Variants in GRIN2B observed in about 807,000 individuals in gnomAD.
GRIN2B encodes the protein glutamate receptor ionotropic, NMDA 2B.
A neutral mutation model predicts 114.5 loss-of-function variants in GRIN2B; 5 were observed. That is an observed-to-expected ratio of 0.04 (90% CI 0.02 to 0.09). GRIN2B has a LOEUF of 0.09. GRIN2B is among the 10% of genes least tolerant of loss of function. The probability of loss-of-function intolerance (pLI) is 1.00; values close to 1 mark genes in which losing one functional copy is unlikely to be tolerated. For synonymous variants in GRIN2B, 787 were observed against 745.1 expected (o/e 1.06, Z -0.92); for missense variants, 1,108 against 1,943.5 (o/e 0.57, Z 8.08).
At chr12:13,935,086 A>C (rs758331161) in intron 2 of GRIN2B, among the ~76,000 whole-genome samples, 1 of 152,182 alleles carries the variant, frequency 6.6e-6, no homozygotes, top group Non-Finnish European at 1.5e-5. Flanking sequence ...TAAGATAGAG[A>C]GATAGAAGGA....
chr12:13,891,126 G>C (rs1399837290), intron 2 of GRIN2B, among the ~76,000 whole-genome samples: 2 of 152,196 alleles, frequency 1.3e-5, no homozygotes, highest in Non-Finnish European at 2.9e-5. Flanking sequence ...CTGGATACTG[G>C]ATTGGAACAC....
At chr12:13,721,419 A>G (rs115909007) in intron 4 of GRIN2B, among the ~76,000 whole-genome samples, 3,454 of 152,056 alleles carry the variant, frequency 0.023, 138 homozygotes, top group African/African-American at 0.079. Flanking sequence ...GGAATCCTGG[A>G]AAAGGATTAG....
intron 4 of GRIN2B, among the ~76,000 whole-genome samples, chr12:13,692,724 T>A (rs1950224555): frequency 6.6e-6 from 1 of 150,878 alleles, no homozygotes; most frequent in South Asian, 2.1e-4. Context: ...AATAGTTGGG[T>A]AGTAATCATT....
chr12:13,774,948 A>AATCAG (rs1419887509), intron 3 of GRIN2B, among the ~76,000 whole-genome samples: 2 of 152,172 alleles, frequency 1.3e-5, no homozygotes, highest in Admixed American at 1.3e-4. Flanking sequence ...TGTGATCATG[A>AATCAG]ATCAGGAAAG....
chr12:13,542,293 T>C lies in GRIN2B; in HGVS notation c.*20490A>G, dbSNP rs1948287698. ...AAGGAGTAAGGTAAGTAAGAACAAA[T>C]AATTATGACCCCCCCACAACGAGAC... On this transcript the variant is annotated 3_prime_UTR_variant, in exon 14 of 14. Transcript: ENST00000609686. The C allele has an allele frequency of 6.6e-6, 1 of 152,064 alleles. No homozygotes were observed. 9.4% of individuals were successfully genotyped at this position (152,064 alleles called of 1,614,324 possible). A position where few individuals can be genotyped will look rare whatever the true frequency, so the allele number is the denominator to read the frequency against.
intron 10 of GRIN2B, among the ~76,000 whole-genome samples, chr12:13,583,247 T>G (rs1385112522): frequency 6.6e-6 from 1 of 152,186 alleles, no homozygotes; most frequent in Non-Finnish European, 1.5e-5. Flanking sequence ...ATAATGATGA[T>G]GATAATTATA....
In GRIN2B at chr12:13,830,229, A is replaced by C. The variant is rs565360181; in HGVS notation, c.411+35569T>G. Among the ~76,000 whole-genome samples, 5 of 152,342 alleles carry C rather than the reference A, an allele frequency of 3.3e-5. No homozygotes were observed. The South Asian group carries it at 1.0e-3, about 32-fold the overall frequency. On this transcript the variant is annotated intron_variant, in intron 3 of 13. Coordinates refer to ENST00000609686, the MANE Select transcript of GRIN2B (RefSeq NM_000834.5). Reference sequence around the variant, plus strand: ...AGTTAGTAAACTCATACTTTTTGTTATGATTGAATAATATGGTTTTTGTGA... The same window carrying C: ...AGTTAGTAAACTCATACTTTTTGTTCTGATTGAATAATATGGTTTTTGTGA...
chr12:13,623,349 A>G (rs11055550), intron 5 of GRIN2B, among the ~76,000 whole-genome samples: 69,333 of 152,108 alleles, frequency 0.46, 16,578 homozygotes, highest in African/African-American at 0.58. Flanking sequence ...AAGGATATGT[A>G]TGTTTTTAAA....
chr12:13,617,241 T>C (rs1193335907), intron 5 of GRIN2B, among the ~76,000 whole-genome samples: 1 of 152,230 alleles, frequency 6.6e-6, no homozygotes, highest in Non-Finnish European at 1.5e-5. Flanking sequence ...GATTAAAGAA[T>C]ACTAACACTG....
intron 3 of GRIN2B, among the ~76,000 whole-genome samples, chr12:13,846,681 A>T (rs1865477841): frequency 1.3e-5 from 2 of 152,220 alleles, no homozygotes; most frequent in South Asian, 4.1e-4. Context: ...CCCGGAAGCC[A>T]CGAAGGGCCC....
chr12:13,563,950 G>C lies in GRIN2B; in HGVS notation c.3288C>G (p.Ala1096=), dbSNP rs1207209569. Residue 1096 remains alanine (A), a synonymous_variant, in exon 14 of 14, where the codon GCC becomes GCG. Transcript: ENST00000609686. Reference sequence around the variant, plus strand: ...TCTCGTCAAACTCCCTGCGGGACTTGGCCGAGGCAGGCCGCTTCTTCAGGC... The same window carrying C: ...TCTCGTCAAACTCCCTGCGGGACTTCGCCGAGGCAGGCCGCTTCTTCAGGC... The part of the protein sequence containing the change: ...KDSLKKRPAS[A]KSRREFDEIE... 6.2e-7 allele frequency: 1 copy of C among 1,614,226 alleles called. No homozygotes were observed. Among genetic ancestry groups the C allele is most frequent in the East Asian group, 2.2e-5 (1 of 44,880 alleles).
In GRIN2B at chr12:13,647,920, G is replaced by A. The variant is rs142160174; in HGVS notation, c.1125+27825C>T. Among the ~76,000 whole-genome samples, 279 of 152,192 alleles carry A rather than the reference G, an allele frequency of 1.8e-3. 3 individuals are homozygous for A. Among genetic ancestry groups the A allele is most frequent in the African/African-American group, 6.4e-3 (267 of 41,544 alleles). On this transcript the variant is annotated intron_variant, in intron 5 of 13. Coordinates refer to ENST00000609686, the MANE Select transcript of GRIN2B (RefSeq NM_000834.5). ...ATTGGTTTCAGTTGGATGAAAGGAC[G>A]CTGGCAGTGGGATGACTTTGAGCTT...
chr12:13,665,532 A>G (rs1181073982), intron 5 of GRIN2B, among the ~76,000 whole-genome samples: 1 of 152,122 alleles, frequency 6.6e-6, no homozygotes, highest in Non-Finnish European at 1.5e-5. Context: ...CCATGTATTG[A>G]GGCAAAAAGC....
At chr12:13,923,429 A>G (rs1327118914) in intron 2 of GRIN2B, among the ~76,000 whole-genome samples, 1 of 152,256 alleles carries the variant, frequency 6.6e-6, no homozygotes, top group Non-Finnish European at 1.5e-5. Context: ...TTGCAATGAG[A>G]TGAGGCACTT....
At chr12:13,633,218 A>C (rs1949632240) in intron 5 of GRIN2B, among the ~76,000 whole-genome samples, 1 of 152,218 alleles carries the variant, frequency 6.6e-6, no homozygotes, top group South Asian at 2.1e-4. Context: ...TAGACCAGTG[A>C]AGGTCAAAGT....
intron 3 of GRIN2B, among the ~76,000 whole-genome samples, chr12:13,804,474 C>T (rs1040824716): frequency 2.6e-5 from 4 of 152,072 alleles, no homozygotes; most frequent in Non-Finnish European, 5.9e-5. Flanking sequence ...CAAATCCAAA[C>T]ATAAGATATC....
At chr12:13,770,582 A>T (rs974532928) in intron 3 of GRIN2B, among the ~76,000 whole-genome samples, 1 of 152,166 alleles carries the variant, frequency 6.6e-6, no homozygotes, top group Non-Finnish European at 1.5e-5. Context: ...AATAAACATC[A>T]ATTTAGCCCT....
At chr12:13,675,238 G>A (rs553691633) in intron 5 of GRIN2B, among the ~76,000 whole-genome samples, 1 of 152,252 alleles carries the variant, frequency 6.6e-6, no homozygotes, top group Non-Finnish European at 1.5e-5. Context: ...GACCTAGACA[G>A]TCTGGTGCCC....
At chr12:13,713,058 G>C (rs566518131) in intron 4 of GRIN2B, among the ~76,000 whole-genome samples, 1 of 151,834 alleles carries the variant, frequency 6.6e-6, no homozygotes, top group Non-Finnish European at 1.5e-5. Context: ...AGCATAAGAT[G>C]AGATACCAAA....
Sources: allele counts gnomAD v4.1 joint callset (sites outside exome capture counted in the v4.1 genomes callset), GRCh38; gene constraint gnomAD v4.1.1; transcripts MANE v1.5; gene names NCBI Gene and HGNC (gene_info 2026-07-23, HGNC 2026-07-21).